PAX8: variants seen among roughly 807,000 people sequenced by gnomAD.
PAX8 encodes the protein paired box 8.
Under a neutral mutation model 52.4 loss-of-function variants are expected in PAX8, and 15 were observed. The ratio of observed to expected loss-of-function variants is 0.29; its 90% CI spans 0.19 to 0.44. The LOEUF is 0.44. Ranked by LOEUF, PAX8 falls within the 20% of genes least tolerant of loss-of-function variation. The probability of loss-of-function intolerance (pLI) is 1.00; values close to 1 mark genes in which losing one functional copy is unlikely to be tolerated. For missense variants in PAX8, 554 were observed against 602.5 expected (o/e 0.92, Z 0.84); for synonymous variants, 284 against 249.7 (o/e 1.14, Z -1.29).
intron 2 of PAX8, among the ~76,000 whole-genome samples, chr2:113,257,143 C>T (rs1230113818): frequency 6.6e-6 from 1 of 152,130 alleles, no homozygotes; most frequent in East Asian, 1.9e-4. Context: ...CCCTATCTGC[C>T]CCTCTTCTTG....
intron 2 of PAX8, among the ~76,000 whole-genome samples, chr2:113,260,898 G>GTGTA (rs1268379755): frequency 1.3e-5 from 2 of 151,780 alleles, no homozygotes; most frequent in African/African-American, 4.8e-5. Context: ...GTGTGTGTGT[G>GTGTA]TATGTGTGTG....
In PAX8 at chr2:113,216,057, C is replaced by T. The variant is rs751978936; in HGVS notation, c.*2476G>A. 1.7e-4 allele frequency: 37 copies of T among 222,112 alleles called. No individual in the cohort carries two copies. The highest frequency in any genetic ancestry group is 2.9e-4 in the Non-Finnish European group (32 of 111,172). The allele number at this position is 222,112 out of a possible 1,614,324, so 13.8% of individuals were successfully genotyped here. ...TGGTTGTGAGTTGGAAAGGGTCTGCCGGGGGTACAGAGTGTCCCCAGAGGG... is the reference window on the plus strand; with the variant it reads ...TGGTTGTGAGTTGGAAAGGGTCTGCTGGGGGTACAGAGTGTCCCCAGAGGG... On this transcript the variant is annotated 3_prime_UTR_variant, in exon 12 of 12. Transcript: ENST00000429538.
At chr2:113,243,397 CTT>C (rs5833491) in intron 4 of PAX8, among the ~76,000 whole-genome samples, 17 of 149,978 alleles carry the variant, frequency 1.1e-4, no homozygotes, top group Admixed American at 1.3e-4. Context: ...TTCTTTCTTT[CTT>C]TTTTTTTTTG....
intron 2 of PAX8, among the ~76,000 whole-genome samples, chr2:113,262,372 G>A (rs903374333): frequency 7.2e-5 from 11 of 152,120 alleles, no homozygotes; most frequent in Non-Finnish European, 1.3e-4. Context: ...TGGCTTGGGA[G>A]GGGGAGTCCC....
Position 113,216,463 on chromosome 2 carries a change from T to G in PAX8, c.*2070A>C, listed in dbSNP as rs1313990373. The G allele has an allele frequency of 4.3e-6, 1 of 231,100 alleles. No homozygotes were observed. The highest frequency in any genetic ancestry group is 8.6e-6 in the Non-Finnish European group (1 of 116,826). The allele number at this position is 231,100 out of a possible 1,614,324, so 14.3% of individuals were successfully genotyped here. ...GTGTTGTTTGTCCAGCTGCCCATAT[T>G]CACCTGGGCATCCCAGCTGCAGGCC... On this transcript the variant is annotated 3_prime_UTR_variant, in exon 12 of 12. Transcript: ENST00000429538.
intron 2 of PAX8, among the ~76,000 whole-genome samples, chr2:113,263,700 C>A (rs1692853390): frequency 2.0e-5 from 3 of 152,056 alleles, no homozygotes; most frequent in Admixed American, 2.0e-4. Context: ...GAGGAGGAGG[C>A]ACAGTGCAAA....
intron 9 of PAX8, among the ~76,000 whole-genome samples, chr2:113,234,734 G>A (rs904586418): frequency 6.6e-6 from 1 of 152,048 alleles, no homozygotes; most frequent in African/African-American, 2.4e-5. Flanking sequence ...TGGCCAGGCT[G>A]GTCTTGAACT....
chr2:113,270,698 T>C (rs908237787), intron 2 of PAX8: 2 of 152,250 alleles, frequency 1.3e-5, no homozygotes, highest in Non-Finnish European at 2.9e-5. Context: ...CTTAGGTGCG[T>C]CACCCAACCA....
intron 4 of PAX8, among the ~76,000 whole-genome samples, chr2:113,243,616 G>A (rs1469408699): frequency 2.0e-5 from 3 of 152,070 alleles, no homozygotes; most frequent in Admixed American, 6.6e-5. Flanking sequence ...GGTCTCGAAC[G>A]CCTGATCTCA....
intron 2 of PAX8, chr2:113,251,004 C>G (rs1375028716): frequency 6.6e-6 from 1 of 152,128 alleles, no homozygotes; most frequent in African/African-American, 2.4e-5. Context: ...GAAAGAAATC[C>G]ATGCATAAAG....
At chr2:113,245,739 C>T (rs1691266825) in intron 3 of PAX8, among the ~76,000 whole-genome samples, 1 of 152,192 alleles carries the variant, frequency 6.6e-6, no homozygotes, top group Non-Finnish European at 1.5e-5. Context: ...TTTAAAACTC[C>T]ATTCATCTGT....
At chr2:113,240,399 C>T (rs1335072934) in intron 7 of PAX8, 2 of 152,284 alleles carry the variant, frequency 1.3e-5, no homozygotes, top group East Asian at 3.8e-4. Context: ...GCATCATCTC[C>T]ATTGTCCTAC....
At chr2:113,239,150 C>G (rs1367391568) in intron 7 of PAX8, 1 of 151,900 alleles carries the variant, frequency 6.6e-6, no homozygotes, top group Non-Finnish European at 1.5e-5. Context: ...TCACTGCAAC[C>G]TCCGCCCCCC....
chr2:113,278,890 C>T lies in PAX8; in HGVS notation c.-135G>A, dbSNP rs978421736. 2.0e-5 allele frequency: 21 copies of T among 1,053,044 alleles called. No individual in the cohort carries two copies. Among genetic ancestry groups the T allele is most frequent in the African/African-American group, 6.7e-5 (4 of 59,890 alleles). The allele number at this position is 1,053,044 out of a possible 1,614,324, so 65.2% of individuals were successfully genotyped here. The stretch of plus-strand genomic sequence containing the variant: ...TCCGCCCGCGAGGGTGCCCTGGGCC[C>T]GGTGTCTCTCCTCCTTCTGAAGTTT... On this transcript the variant is annotated 5_prime_UTR_variant, in exon 1 of 12. Transcript: ENST00000429538.
In PAX8 at chr2:113,217,534, T is replaced by C. The variant is rs972958648; in HGVS notation, c.*999A>G. 6 of 230,394 alleles carry C rather than the reference T, an allele frequency of 2.6e-5. No individual in the cohort carries two copies. The highest frequency in any genetic ancestry group is 1.3e-3 in the Middle Eastern group (1 of 794). The allele number at this position is 230,394 out of a possible 1,614,324, so 14.3% of individuals were successfully genotyped here. A position where few individuals can be genotyped will look rare whatever the true frequency, so the allele number is the denominator to read the frequency against. On this transcript the variant is annotated 3_prime_UTR_variant, in exon 12 of 12. Coordinates refer to ENST00000429538, the MANE Select transcript of PAX8 (RefSeq NM_003466.4). ...CCCAAACAAAGTTTCATTTACAGTA[T>C]ATACAGTCAGGCCTTGGGGGCAGGA... is the stretch of plus-strand genomic sequence containing the variant.
At chr2:113,223,635 T>C (rs958239724) in intron 10 of PAX8, among the ~76,000 whole-genome samples, 1 of 152,216 alleles carries the variant, frequency 6.6e-6, no homozygotes, top group Admixed American at 6.5e-5. Context: ...TTTGAACACC[T>C]TCTCAGAGAG....
chr2:113,223,651 C>A (rs1398129771), intron 10 of PAX8, among the ~76,000 whole-genome samples: 1 of 152,170 alleles, frequency 6.6e-6, no homozygotes, highest in African/African-American at 2.4e-5. Flanking sequence ...GAGAGGCCTC[C>A]CCTGACAGCC....
In PAX8 at chr2:113,241,624, G is replaced by A. The variant is rs200737496; in HGVS notation, c.704C>T (p.Pro235Leu). The A allele has an allele frequency of 8.9e-5, 144 of 1,613,790 alleles. No homozygotes were observed. The African/African-American group carries it at 9.1e-4, about 10-fold the overall frequency. Residue 235 changes from proline (P) to leucine (L), a missense_variant, in exon 7 of 12, where the codon CCG (proline) becomes CTG (leucine). Transcript: ENST00000429538. ...TDAFSQHHLE[P>L]LECPFERQHY... Reference sequence around the variant, plus strand: ...CTGCCGCTCAAATGGGCACTCGAGCGGCTCGAGGTGGTGCTGGCTGAAGGC... The same window carrying A: ...CTGCCGCTCAAATGGGCACTCGAGCAGCTCGAGGTGGTGCTGGCTGAAGGC...
chr2:113,260,450 T>C (rs1460614992), intron 2 of PAX8, among the ~76,000 whole-genome samples: 2 of 151,656 alleles, frequency 1.3e-5, no homozygotes, highest in African/African-American at 4.9e-5. Context: ...TATAATACTA[T>C]AAATGTGAGT....
Sources: gnomAD v4.1 joint callset for allele counts (sites outside exome capture counted in the v4.1 genomes callset) on GRCh38, gnomAD v4.1.1 for gene constraint, MANE v1.5 for transcripts, NCBI Gene and HGNC (gene_info 2026-07-23, HGNC 2026-07-21) for gene names.